Variants in TMEM135 observed in about 807,000 individuals in gnomAD.
TMEM135 encodes peroxisomal membrane protein 52.
A neutral mutation model predicts 60.3 loss-of-function variants in TMEM135; 30 were observed. The observed-to-expected ratio is 0.50, with a 90% CI of 0.37 to 0.68. The LOEUF (loss-of-function observed/expected upper bound fraction) is 0.68, where lower values mean the gene tolerates loss of function less well. Among genes scored for constraint, TMEM135 ranks in the 30% least tolerant of loss-of-function variants. The pLI, the probability that TMEM135 is intolerant of heterozygous loss-of-function variation, is 0.00. For synonymous variants in TMEM135, 190 were observed against 186.7 expected, an observed-to-expected ratio of 1.02 and a Z score of -0.14; for missense variants, 468 against 548.8, an observed-to-expected ratio of 0.85 and a Z score of 1.47.
intron 5 of TMEM135, among the ~76,000 whole-genome samples, chr11:87,190,423 GT>G (rs1052051840): frequency 5.8e-4 from 89 of 152,190 alleles, no homozygotes; most frequent in African/African-American, 2.1e-3. Flanking sequence ...CTTTTTCTTA[GT>G]TTTTTTCTTT....
chr11:87,118,454 T>G (rs1857948748), intron 4 of TMEM135, among the ~76,000 whole-genome samples: 1 of 152,064 alleles, frequency 6.6e-6, no homozygotes, highest in Admixed American at 6.5e-5. Flanking sequence ...GTAGCTTTTT[T>G]TTTTTCTTTT....
At chr11:87,291,148 C>T (rs1257613049) in intron 6 of TMEM135, among the ~76,000 whole-genome samples, 2 of 152,186 alleles carry the variant, frequency 1.3e-5, no homozygotes, top group South Asian at 2.1e-4. Flanking sequence ...CTCCCTTAAT[C>T]CTCAGACTTG....
chr11:87,163,543 G>A (rs921966518), intron 5 of TMEM135, among the ~76,000 whole-genome samples: 6 of 152,066 alleles, frequency 3.9e-5, no homozygotes, highest in Non-Finnish European at 7.4e-5. Flanking sequence ...AGTCCTTTGG[G>A]TATGTACCCA....
chr11:87,054,414 C>A (rs575334878), intron 1 of TMEM135, among the ~76,000 whole-genome samples: 58 of 151,792 alleles, frequency 3.8e-4, no homozygotes, highest in African/African-American at 1.4e-3. Context: ...AGCCTGGCAA[C>A]AGAGTGAGAC....
In TMEM135 at chr11:87,071,541, C is replaced by G; in HGVS notation, c.288C>G (p.Phe96Leu). 1 of 1,613,944 alleles carries G rather than the reference C, an allele frequency of 6.2e-7. No individual in the cohort carries two copies. Among genetic ancestry groups the G allele is most frequent in the South Asian group, 1.1e-5 (1 of 91,076 alleles). The change falls in exon 3 of 15, where the codon TTC (phenylalanine) becomes TTG (leucine). Residue 96 changes from phenylalanine (F) to leucine (L), a missense_variant. By Grantham distance (22) the Phe-to-Leu change is conservative (BLOSUM62 0). Transcript: ENST00000305494. The stretch of plus-strand genomic sequence containing the variant: ...ATTTCAGGAAGATACTTGGAAAATT[C>G]TACTCATGGACTCCTGGCTTTGGTG... ...FCILRKILGKFYSWTPGFGAA... is the reference protein window; with the variant it reads ...FCILRKILGKLYSWTPGFGAA...
At chr11:87,231,582 T>C (rs1940889860) in intron 5 of TMEM135, among the ~76,000 whole-genome samples, 1 of 152,112 alleles carries the variant, frequency 6.6e-6, no homozygotes, top group Non-Finnish European at 1.5e-5. Flanking sequence ...TCCATTAAGG[T>C]AAAATTTAGA....
chr11:87,325,359 C>T lies in TMEM135; in HGVS notation c.*4026C>T, dbSNP rs150406790. 1 of 453,948 alleles carries T rather than the reference C, an allele frequency of 2.2e-6. No homozygotes were observed. Among genetic ancestry groups the T allele is most frequent in the East Asian group, 6.9e-5 (1 of 14,398 alleles). 28.1% of individuals were successfully genotyped at this position (453,948 alleles called of 1,614,324 possible). On this transcript the variant is annotated 3_prime_UTR_variant, in exon 15 of 15. Coordinates refer to ENST00000305494, the MANE Select transcript of TMEM135 (RefSeq NM_022918.4). ...TACAGCAGAGTAGTGAGTGAATGGC[C>T]TTAAGCTTACAGCTGTGGTGAATAA...
At chr11:87,303,719 A>C (rs1942487044) in intron 8 of TMEM135, among the ~76,000 whole-genome samples, 2 of 152,228 alleles carry the variant, frequency 1.3e-5, no homozygotes, top group Non-Finnish European at 2.9e-5. Flanking sequence ...AGATAACAGG[A>C]ATAATTATGG....
intron 6 of TMEM135, among the ~76,000 whole-genome samples, chr11:87,276,277 T>C (rs1190908697): frequency 1.3e-5 from 2 of 152,152 alleles, no homozygotes; most frequent in East Asian, 1.9e-4. Context: ...ATTCTTTAGT[T>C]TTCATAACAG....
chr11:87,070,963 T>TA (rs1856763882), intron 2 of TMEM135, among the ~76,000 whole-genome samples: 1 of 152,152 alleles, frequency 6.6e-6, no homozygotes, highest in Non-Finnish European at 1.5e-5. Flanking sequence ...CTCTGGGAAA[T>TA]ATCTCATATA....
chr11:87,241,523 CTTAG>C (rs1361142599), intron 6 of TMEM135, among the ~76,000 whole-genome samples: 3 of 151,998 alleles, frequency 2.0e-5, no homozygotes, highest in Non-Finnish European at 2.9e-5. Context: ...TAATTATATT[CTTAG>C]TTATTTTTAA....
chr11:87,234,993 T>G (rs921160715), intron 5 of TMEM135, among the ~76,000 whole-genome samples: 1 of 151,884 alleles, frequency 6.6e-6, no homozygotes, highest in Admixed American at 6.6e-5. Flanking sequence ...GGACACTGAT[T>G]AGTGCAGGAA....
rs879894200 is a variant in TMEM135, at chr11:87,163,723, T to G, written c.462+6317T>G. On this transcript the variant is annotated intron_variant, in intron 5 of 14. Coordinates refer to ENST00000305494, the MANE Select transcript of TMEM135 (RefSeq NM_022918.4). ...TGTTGTTTCCTGACTTTTTAATGAT[T>G]GCCATTCTAACTGGTGTGAGATGGT... 4.1e-3 allele frequency among the ~76,000 whole-genome samples: 617 copies of G among 148,784 alleles called. 1 individual carries two copies. Among genetic ancestry groups the G allele is most frequent in the Non-Finnish European group, 5.7e-3 (386 of 67,248 alleles).
Position 87,321,838 on chromosome 11 carries a change from G to T in TMEM135, c.*505G>T. The T allele has an allele frequency of 2.2e-6, 1 of 454,344 alleles. No homozygotes were observed. The highest frequency in any genetic ancestry group is 4.4e-6 in the Non-Finnish European group (1 of 226,732). The allele number at this position is 454,344 out of a possible 1,614,324, so 28.1% of individuals were successfully genotyped here. On this transcript the variant is annotated 3_prime_UTR_variant, in exon 15 of 15. Coordinates refer to ENST00000305494, the MANE Select transcript of TMEM135 (RefSeq NM_022918.4). ...TTATAGATTTGAAGTAACTCTCCAC[G>T]GACAGTGCTGCTTTCGTGTAGAGCA...
chr11:87,323,725 T>C lies in TMEM135; in HGVS notation c.*2392T>C, dbSNP rs1942867509. 2.2e-6 allele frequency: 1 copy of C among 453,634 alleles called. No homozygotes were observed. Among genetic ancestry groups the C allele is most frequent in the South Asian group, 1.6e-5 (1 of 64,330 alleles). 28.1% of individuals were successfully genotyped at this position (453,634 alleles called of 1,614,324 possible). On this transcript the variant is annotated 3_prime_UTR_variant, in exon 15 of 15. Transcript: ENST00000305494. ...TGTTTTAATAAAATCCTAGAACTAG[T>C]AGCAACCGAGTAAAGATTGAGTTTG...
intron 1 of TMEM135, among the ~76,000 whole-genome samples, chr11:87,060,361 A>T (rs1835125216): frequency 6.6e-6 from 1 of 152,228 alleles, no homozygotes; most frequent in African/African-American, 2.4e-5. Context: ...TAGATCACCA[A>T]ATTTTTGAAG....
chr11:87,301,763 A>G (rs1462702918), intron 7 of TMEM135, among the ~76,000 whole-genome samples: 4 of 152,200 alleles, frequency 2.6e-5, no homozygotes, highest in Non-Finnish European at 4.4e-5. Context: ...AATATTTTCC[A>G]TTCATCGTCT....
Position 87,326,870 on chromosome 11 carries a change from A to C in TMEM135, c.*5537A>C, listed in dbSNP as rs1942919833. On this transcript the variant is annotated 3_prime_UTR_variant, in exon 15 of 15. Transcript: ENST00000305494. ...TTCAGAACCAAAGGGCAGGATAAATAAATCTATGAAACTAGAGGCATCATT... is the reference window on the plus strand; with the variant it reads ...TTCAGAACCAAAGGGCAGGATAAATCAATCTATGAAACTAGAGGCATCATT... 1 of 452,022 alleles carries C rather than the reference A, an allele frequency of 2.2e-6. No homozygotes were observed. The highest frequency in any genetic ancestry group is 7.0e-5 in the East Asian group (1 of 14,370). The allele number at this position is 452,022 out of a possible 1,614,324, so 28.0% of individuals were successfully genotyped here. A position where few individuals can be genotyped will look rare whatever the true frequency, so the allele number is the denominator to read the frequency against.
chr11:87,192,084 C>T (rs1353923756), intron 5 of TMEM135, among the ~76,000 whole-genome samples: 2 of 142,894 alleles, frequency 1.4e-5, no homozygotes, highest in African/African-American at 2.6e-5. Context: ...TGGGATCAAG[C>T]GATCCCCCTG....
Sources: allele counts gnomAD v4.1 joint callset (sites outside exome capture counted in the v4.1 genomes callset), GRCh38; gene constraint gnomAD v4.1.1; transcripts MANE v1.5; gene names NCBI Gene and HGNC (gene_info 2026-07-23, HGNC 2026-07-21).